TNS3: variants seen among roughly 807,000 people sequenced by gnomAD.
The protein encoded by TNS3 is tensin-3.
A neutral mutation model predicts 140.9 loss-of-function variants in TNS3; 45 were observed. The ratio of observed to expected loss-of-function variants is 0.32; its 90% confidence interval spans 0.25 to 0.41. The LOEUF (loss-of-function observed/expected upper bound fraction) is 0.41, where lower values mean the gene tolerates loss of function less well. Ranked by LOEUF, TNS3 falls within the 10% of genes least tolerant of loss-of-function variation. TNS3 has a pLI of 1.00. For synonymous variants in TNS3, 815 were observed against 788.4 expected, an observed-to-expected ratio of 1.03 and a Z score of -0.56; for missense variants, 1,716 against 1,906.7, an observed-to-expected ratio of 0.90 and a Z score of 1.86.
At chr7:47,427,167 T>C (rs889657647) in intron 9 of TNS3, among the ~76,000 whole-genome samples, 1 of 149,734 alleles carries the variant, frequency 6.7e-6, no homozygotes, top group Non-Finnish European at 1.5e-5. Flanking sequence ...AGGTGGTCTC[T>C]GTCCAGAACC....
At chr7:47,530,377 A>G (rs1173322959) in intron 1 of TNS3, among the ~76,000 whole-genome samples, 2 of 152,192 alleles carry the variant, frequency 1.3e-5, no homozygotes, top group African/African-American at 4.8e-5. Flanking sequence ...ATAAACAAGC[A>G]TCAGTAAGCT....
chr7:47,306,336 G>T (rs908409834), intron 20 of TNS3, among the ~76,000 whole-genome samples: 1 of 152,028 alleles, frequency 6.6e-6, no homozygotes. Context: ...TAATATCCTG[G>T]TTTTTTAAAA....
At chr7:47,334,484 C>T (rs760403473) in intron 20 of TNS3, among the ~76,000 whole-genome samples, 3 of 152,150 alleles carry the variant, frequency 2.0e-5, no homozygotes, top group African/African-American at 2.4e-5. Context: ...CTCATGACTC[C>T]GTAAATCTAC....
At chr7:47,397,648 A>G (rs1167816354) in intron 15 of TNS3, among the ~76,000 whole-genome samples, 2 of 152,232 alleles carry the variant, frequency 1.3e-5, no homozygotes, top group East Asian at 3.8e-4. Flanking sequence ...GATAATAGTG[A>G]CACAAGTTAT....
chr7:47,307,557 C>G (rs1280691188), intron 20 of TNS3, among the ~76,000 whole-genome samples: 1 of 152,232 alleles, frequency 6.6e-6, no homozygotes, highest in East Asian at 1.9e-4. Flanking sequence ...AGCTGCTTCC[C>G]AGAATACTTG....
intron 1 of TNS3, among the ~76,000 whole-genome samples, chr7:47,550,720 C>T (rs533370057): frequency 6.6e-6 from 1 of 152,272 alleles, no homozygotes; most frequent in African/African-American, 2.4e-5. Flanking sequence ...ACAAAAAAGG[C>T]TGGAAGCAGT....
Position 47,369,069 on chromosome 7 carries a change from C to A in TNS3, c.1577G>T (p.Gly526Val). 6.2e-7 allele frequency: 1 copy of A among 1,614,080 alleles called. No homozygotes were observed. Among genetic ancestry groups the A allele is most frequent in the Non-Finnish European group, 8.5e-7 (1 of 1,180,032 alleles). Residue 526 changes from glycine (G) to valine (V), a missense_variant, in exon 17 of 31, where the codon GGC (glycine) becomes GTC (valine). Transcript: ENST00000311160. ...CTGCGGATCTTCACCAACGTTGCTG[C>A]CAAAACCGTCAGATAGGAGTGAGTT... ...SQNSLLSDGF[G>V]SNVGEDPQGT... is the part of the protein sequence containing the mutation.
chr7:47,565,613 C>G (rs1482853401), intron 1 of TNS3, among the ~76,000 whole-genome samples: 11 of 151,752 alleles, frequency 7.2e-5, no homozygotes, highest in Non-Finnish European at 1.6e-4. Context: ...GTGATCAGCC[C>G]GCCTCAGCCT....
chr7:47,389,116 A>AAGTG (rs1792338194), intron 16 of TNS3, among the ~76,000 whole-genome samples: 1 of 7,788 alleles, frequency 1.3e-4, no homozygotes, highest in Admixed American at 1.9e-3. Context: ...AAGCAGAAGA[A>AAGTG]GAAGAAGAAG....
intron 1 of TNS3, among the ~76,000 whole-genome samples, chr7:47,573,034 T>G (rs187768880): frequency 2.0e-5 from 3 of 152,032 alleles, no homozygotes; most frequent in African/African-American, 7.2e-5. Flanking sequence ...AAATCAAGGG[T>G]CACGTGTGGC....
chr7:47,396,718 G>A, intron 16 of TNS3, 82 bp downstream of exon 16: 1 of 1,211,454 alleles, frequency 8.3e-7, no homozygotes, highest in East Asian at 2.3e-5. Flanking sequence ...TTAGCAGACT[G>A]CAAAATACTT....
At position 47,276,187 on chromosome 7, in the gene TNS3, G is replaced by A. The variant is rs769092850; in HGVS notation, c.*1889C>T. The A allele has an allele frequency of 3.1e-5, 6 of 195,076 alleles. No homozygotes were observed. Among genetic ancestry groups the A allele is most frequent in the Admixed American group, 1.1e-4 (2 of 17,562 alleles). 12.1% of individuals were successfully genotyped at this position (195,076 alleles called of 1,614,324 possible). A position where few individuals can be genotyped will look rare whatever the true frequency, so the allele number is the denominator to read the frequency against. On this transcript the variant is annotated 3_prime_UTR_variant, in exon 31 of 31. Transcript: ENST00000311160. ...AGCACCTCCTGACAGTCATGCCACC[G>A]CAAGTTAGAGAAGGAGGTCCACAAC...
chr7:47,415,591 C>T (rs1434709668), intron 10 of TNS3, among the ~76,000 whole-genome samples: 2 of 152,258 alleles, frequency 1.3e-5, no homozygotes, highest in African/African-American at 4.8e-5. Context: ...CTGTCACTAG[C>T]ATTGCACCTA....
intron 20 of TNS3, among the ~76,000 whole-genome samples, chr7:47,311,743 G>C (rs922577161): frequency 1.6e-4 from 24 of 151,954 alleles, no homozygotes; most frequent in Non-Finnish European, 2.9e-5. Context: ...ATGAGGCAGA[G>C]GCAATATTGG....
At chr7:47,514,749 T>C (rs673583) in intron 2 of TNS3, among the ~76,000 whole-genome samples, 55,788 of 151,720 alleles carry the variant, frequency 0.37, 11,120 homozygotes, top group Non-Finnish European at 0.46. Flanking sequence ...GGAGCATTTA[T>C]GCGTGGTCTG....
At chr7:47,479,763 G>A (rs921910886) in intron 4 of TNS3, among the ~76,000 whole-genome samples, 2 of 152,238 alleles carry the variant, frequency 1.3e-5, no homozygotes, top group African/African-American at 4.8e-5. Context: ...AGCATAATAA[G>A]GGCACCCCGC....
intron 10 of TNS3, among the ~76,000 whole-genome samples, chr7:47,419,406 A>T (rs1794254934): frequency 6.6e-6 from 1 of 152,264 alleles, no homozygotes. Context: ...CAGTGAGAGA[A>T]GTATGACAGT....
intron 20 of TNS3, among the ~76,000 whole-genome samples, chr7:47,325,156 C>T (rs1344850607): frequency 1.3e-5 from 2 of 152,080 alleles, no homozygotes; most frequent in Non-Finnish European, 2.9e-5. Context: ...AGAAGCAAGC[C>T]TTATCTTTGG....
intron 4 of TNS3, among the ~76,000 whole-genome samples, chr7:47,471,907 G>A (rs1444065824): frequency 1.3e-5 from 2 of 152,258 alleles, no homozygotes; most frequent in East Asian, 1.9e-4. Context: ...TCCTAAGGCT[G>A]CTGTAAAGCA....
Sources: allele counts gnomAD v4.1 joint callset (sites outside exome capture counted in the v4.1 genomes callset), GRCh38; gene constraint gnomAD v4.1.1; transcripts MANE v1.5; gene names NCBI Gene and HGNC (gene_info 2026-07-23, HGNC 2026-07-21).